Variants in SHOC1 observed in about 807,000 individuals in gnomAD.
SHOC1 encodes the protein shortage in chiasmata 1.
SHOC1 carries 136 observed loss-of-function variants against 179.2 expected under a neutral mutation model. The ratio of observed to expected loss-of-function variants is 0.76; its 90% CI spans 0.66 to 0.87. The LOEUF (loss-of-function observed/expected upper bound fraction) is 0.87. SHOC1 is among the 40% of genes least tolerant of loss of function. SHOC1 has a pLI of 0.00. For missense variants in SHOC1, 1,538 were observed against 1,700.8 expected (o/e 0.90, Z 1.68); for synonymous variants, 489 against 586.6 (o/e 0.83, Z 2.41).
chr9:111,741,620 T>C, intron 10 of SHOC1, 50 bp from the exon 11 acceptor site: 1 of 956,230 alleles, frequency 1.0e-6, no homozygotes, highest in Non-Finnish European at 1.5e-6. Context: ...GAGTCTTTTG[T>C]ATAATAAAAT....
In SHOC1 at chr9:111,738,417, C is replaced by T; in HGVS notation, c.1280G>A (p.Trp427Ter). 6.2e-7 allele frequency: 1 copy of T among 1,612,424 alleles called. No homozygotes were observed. The change falls in exon 12 of 28, where the codon TGG becomes TAG. Residue 427 changes from tryptophan (W) to a stop codon, truncating the protein, a stop_gained. Transcript: ENST00000682961. LOFTEE classifies it high-confidence loss of function. ...CAGATTTAGTCCTGCTTGTTTCCAC[C>T]ACTCTGCCTTTTCCAGATTAATCAC... is the stretch of plus-strand genomic sequence containing the variant. ...SLVINLEKAE[W>*]WKQAGLNLKM...
chr9:111,722,804 T>A (rs1833126289), intron 14 of SHOC1, among the ~76,000 whole-genome samples: 1 of 152,084 alleles, frequency 6.6e-6, no homozygotes. Flanking sequence ...GCTATATTAT[T>A]TATTTATTTA....
chr9:111,708,077 C>A (rs1832361344), intron 18 of SHOC1, among the ~76,000 whole-genome samples, 153 bp from the exon 19 acceptor site: 2 of 151,922 alleles, frequency 1.3e-5, no homozygotes, highest in Non-Finnish European at 2.9e-5. Flanking sequence ...CTAAGTTTAG[C>A]ATATCAGAAA....
At chr9:111,749,784 C>T (rs1015362718) in intron 8 of SHOC1, among the ~76,000 whole-genome samples, 3 of 152,156 alleles carry the variant, frequency 2.0e-5, no homozygotes, top group African/African-American at 7.2e-5. Context: ...GTTTGGCTTT[C>T]TGTTCCTGCA....
In SHOC1 at chr9:111,792,330, C is replaced by T. The variant is rs149392542; in HGVS notation, c.-36-876G>A. ...AGGCATGTTGGCTCACACCTGTAAT[C>T]CCAGCACTTTGAGAGGCTGAGGTGG... On this transcript the variant is annotated intron_variant, in intron 1 of 27. Transcript: ENST00000682961. 3.1e-3 allele frequency among the ~76,000 whole-genome samples: 466 copies of T among 152,224 alleles called. 7 individuals are homozygous for T. The highest frequency in any genetic ancestry group is 0.026 in the South Asian group (125 of 4,816).
chr9:111,754,008 A>T (rs1834734254), intron 8 of SHOC1, among the ~76,000 whole-genome samples: 1 of 152,190 alleles, frequency 6.6e-6, no homozygotes, highest in South Asian at 2.1e-4. Context: ...TGCATTGTAC[A>T]CTTTAAATTT....
In SHOC1 at chr9:111,727,868, G is replaced by A. The variant is rs1833375736; in HGVS notation, c.1599C>T (p.Asp533=). 1 of 1,612,738 alleles carries A rather than the reference G, an allele frequency of 6.2e-7. No individual in the cohort carries two copies. The highest frequency in any genetic ancestry group is 8.5e-7 in the Non-Finnish European group (1 of 1,179,500). The change falls in exon 13 of 28, where the codon GAC becomes GAT. Residue 533 remains aspartate (D), a synonymous_variant. Transcript: ENST00000682961. ...GAAKEEKPKN[D]QEPVNRIIQK... is the part of the protein sequence containing the mutation. The stretch of plus-strand genomic sequence containing the variant: ...GGATTATTCTGTTTACTGGTTCTTG[G>A]TCATTCTTTGGTTTTTCTTCTTTTG...
At chr9:111,790,767 C>T (rs1836417632) in intron 2 of SHOC1, among the ~76,000 whole-genome samples, 1 of 152,050 alleles carries the variant, frequency 6.6e-6, no homozygotes, top group South Asian at 2.1e-4. Flanking sequence ...AGGCTGGTCT[C>T]GAACTCTTGA....
rs1001049659 is a variant in SHOC1, at chr9:111,775,774, T to C, written c.442+17A>G. On this transcript the variant is annotated intron_variant, in intron 5 of 27. Transcript: ENST00000682961. ...CAGTAAGAAATGTTTTACAACAATA[T>C]AAAATAAACGTTTTACCTTGGTTCT... is the stretch of plus-strand genomic sequence containing the variant. 1.3e-5 allele frequency: 20 copies of C among 1,583,820 alleles called. No individual in the cohort carries two copies. Among genetic ancestry groups the C allele is most frequent in the Non-Finnish European group, 1.5e-5 (18 of 1,167,028 alleles).
At chr9:111,722,979 A>G (rs1014348598) in intron 14 of SHOC1, among the ~76,000 whole-genome samples, 14 of 151,920 alleles carry the variant, frequency 9.2e-5, no homozygotes, top group Admixed American at 5.2e-4. Context: ...TTTTTGTTTC[A>G]TCATCTTGTC....
Position 111,728,057 on chromosome 9 carries a change from CAG to C in SHOC1, c.1418-10_1418-9del, listed in dbSNP as rs752014649. 6.5e-7 allele frequency: 1 copy of C among 1,540,918 alleles called. No homozygotes were observed. The highest frequency in any genetic ancestry group is 1.3e-5 in the South Asian group (1 of 78,308). On this transcript the variant is annotated splice_polypyrimidine_tract_variant and intron_variant, in intron 12 of 27. Coordinates refer to ENST00000682961, the MANE Select transcript of SHOC1 (RefSeq NM_001378211.1). ...TTTTATGTTCTAGACATGCTGAAAA[CAG>C]AAAATAACAACACACAAGTAACTTC...
rs111247738 is a variant in SHOC1, at chr9:111,689,498, T to C, written c.4426+2053A>G. Reference sequence around the variant, plus strand: ...AAAATTATCTTGAGGTTATGGGTTATGCTAATGGCTTTGGATAAATTTTCC... The same window carrying C: ...AAAATTATCTTGAGGTTATGGGTTACGCTAATGGCTTTGGATAAATTTTCC... On this transcript the variant is annotated intron_variant, in intron 27 of 27. Transcript: ENST00000682961. Among the ~76,000 whole-genome samples the C allele has an allele frequency of 3.0e-3, 455 of 152,042 alleles. 1 individual carries two copies. The highest frequency in any genetic ancestry group is 0.01 in the African/African-American group (419 of 41,514).
intron 16 of SHOC1, among the ~76,000 whole-genome samples, chr9:111,716,210 A>G (rs1192093524): frequency 2.6e-5 from 4 of 152,206 alleles, no homozygotes; most frequent in Admixed American, 6.5e-5. Context: ...GATAAATAGT[A>G]ATGCCAAAGT....
At chr9:111,727,451 G>T (rs1194243197) in intron 13 of SHOC1, among the ~76,000 whole-genome samples, 182 bp downstream of exon 13, 1 of 152,112 alleles carries the variant, frequency 6.6e-6, no homozygotes, top group Non-Finnish European at 1.5e-5. Flanking sequence ...TCTAAATCAT[G>T]CCTATATATC....
rs762921412 is a variant in SHOC1, at chr9:111,703,931, C to T, written c.2917G>A (p.Glu973Lys). 87 of 1,610,450 alleles carry T rather than the reference C, an allele frequency of 5.4e-5. No homozygotes were observed. The South Asian group carries it at 9.5e-4, about 18-fold the overall frequency. The change falls in exon 22 of 28, where the codon GAG becomes AAG. Residue 973 changes from glutamate to lysine, a missense_variant. By Grantham distance (56) the Glu-to-Lys change is moderately conservative (BLOSUM62 1). Coordinates refer to ENST00000682961, the MANE Select transcript of SHOC1 (RefSeq NM_001378211.1). ...SESLKLFGSS[E>K]CYVVVTIDEH... ...TCAATTGTCACCACTACATAACACT[C>T]TGAACTTCCAAAGAGTTTCAATGAC...
In SHOC1 at chr9:111,727,739, T is replaced by C. The variant is rs1833365590; in HGVS notation, c.1728A>G (p.Lys576=). 1 of 1,613,484 alleles carries C rather than the reference T, an allele frequency of 6.2e-7. No individual in the cohort carries two copies. Among genetic ancestry groups the C allele is most frequent in the East Asian group, 2.2e-5 (1 of 44,776 alleles). The stretch of plus-strand genomic sequence containing the variant: ...AAAGGTCCAAATCATTCTCTTGTTT[T>C]TTGCCATGTTCAAAAGATGCTTTTT... ...IIKKASFEHG[K]KQENDLDLLS... The change falls in exon 13 of 28, where the codon AAA becomes AAG. Residue 576 remains lysine, a synonymous_variant. Coordinates refer to ENST00000682961, the MANE Select transcript of SHOC1 (RefSeq NM_001378211.1).
At chr9:111,716,045 T>C (rs1832771004) in intron 16 of SHOC1, among the ~76,000 whole-genome samples, 1 of 152,100 alleles carries the variant, frequency 6.6e-6, no homozygotes. Flanking sequence ...AAGGACAACC[T>C]AACTTGATCT....
At chr9:111,688,172 A>C (rs1252039299) in intron 27 of SHOC1, among the ~76,000 whole-genome samples, 1 of 152,190 alleles carries the variant, frequency 6.6e-6, no homozygotes, top group Non-Finnish European at 1.5e-5. Flanking sequence ...TGTGGTATGA[A>C]GACACCCACC....
chr9:111,784,520 AC>A (rs1307729909), intron 3 of SHOC1, among the ~76,000 whole-genome samples: 2 of 152,162 alleles, frequency 1.3e-5, no homozygotes, highest in Non-Finnish European at 2.9e-5. Context: ...TCTCCTCTTG[AC>A]TTTTAAATCC....
Sources: allele counts gnomAD v4.1 joint callset (sites outside exome capture counted in the v4.1 genomes callset), GRCh38; gene constraint gnomAD v4.1.1; transcripts MANE v1.5; gene names NCBI Gene and HGNC (gene_info 2026-07-23, HGNC 2026-07-21).